The following ERCC6 variants were observed in gnomAD, a reference collection of about 807,000 sequenced individuals.
ERCC6 encodes DNA excision repair protein ERCC-6.
In ERCC6, 116 loss-of-function variants were observed where a neutral mutation model predicts 158.7. The ratio of observed to expected loss-of-function variants is 0.73; its 90% CI spans 0.63 to 0.85. ERCC6 has a LOEUF of 0.85. ERCC6 is among the 40% of genes least tolerant of loss of function. The pLI, the probability that ERCC6 is intolerant of heterozygous loss-of-function variation, is 0.00. For missense variants in ERCC6, 1,698 were observed against 1,799.4 expected (o/e 0.94, Z 1.02); for synonymous variants, 678 against 659.3 (o/e 1.03, Z -0.43).
At chr10:49,530,548 AAAGG>A in intron 3 of ERCC6, among the ~76,000 whole-genome samples, 168 bp downstream of exon 3, 1 of 152,334 alleles carries the variant, frequency 6.6e-6, no homozygotes, top group Middle Eastern at 3.4e-3. Context: ...ATGGGATGTT[AAAGG>A]AAAACAGCAG....
rs192386303 is a variant in ERCC6 at position 49,473,890 on chromosome 10, A to G, written c.2598+137T>C. 28 of 853,382 alleles carry G rather than the reference A, an allele frequency of 3.3e-5. No homozygotes were observed. The Admixed American group carries it at 5.8e-4, about 18-fold the overall frequency. 52.9% of individuals were successfully genotyped at this position (853,382 alleles called of 1,614,324 possible). ...TCTAGAGAAAGATCTAAACTCCCAA[A>G]GAAATCGGTAGACTGCCACCTCAGC... On this transcript the variant is annotated intron_variant, in intron 13 of 20. Transcript: ENST00000355832.
intron 5 of ERCC6, chr10:49,516,177 T>C (rs1836955418): frequency 6.2e-7 from 1 of 1,614,226 alleles, no homozygotes; most frequent in Admixed American, 1.7e-5. Context: ...TTTACCCTGA[T>C]ACGGCTGAAA....
chr10:49,524,328 C>G lies in ERCC6; in HGVS notation c.1102G>C (p.Glu368Gln), dbSNP rs1177995093. The G allele has an allele frequency of 1.9e-6, 3 of 1,614,052 alleles. No homozygotes were observed. Among genetic ancestry groups the G allele is most frequent in the Admixed American group, 3.3e-5 (2 of 59,988 alleles). Residue 368 changes from glutamate to glutamine, a missense_variant, in exon 5 of 21, where the codon GAG (glutamate) becomes CAG (glutamine). Physicochemically the swap from Glu to Gln is conservative, Grantham distance 29. Coordinates refer to ENST00000355832, the MANE Select transcript of ERCC6 (RefSeq NM_000124.4). ...GGGAAATACTCAGACTCTTCACCCT[C>G]AGAGTCTCCCTCTGCCTCTGGCCTC... The part of the protein sequence containing the change: ...DMRPEAEGDS[E>Q]GEESEYFPTE...
downstream of ERCC6, among the ~76,000 whole-genome samples, chr10:49,451,571 T>C (rs1423559013): frequency 6.6e-6 from 1 of 152,218 alleles, no homozygotes; most frequent in African/African-American, 2.4e-5. Context: ...ATGTATTACA[T>C]TGATTTTCAC....
At chr10:49,494,161 G>A (rs1851225442) in intron 7 of ERCC6, among the ~76,000 whole-genome samples, 1 of 152,162 alleles carries the variant, frequency 6.6e-6, no homozygotes, top group African/African-American at 2.4e-5. Flanking sequence ...GCACTGCCTG[G>A]ATCTGAATCC....
At chr10:49,438,834 T>C in the ERCC6 span, among the ~76,000 whole-genome samples, 1 of 152,024 alleles carries the variant, frequency 6.6e-6, no homozygotes, top group Non-Finnish European at 1.5e-5. Flanking sequence ...AACAAAAGGG[T>C]TTCAGGACCC....
intron 2 of ERCC6, among the ~76,000 whole-genome samples, chr10:49,531,071 T>A (rs1056786512): frequency 2.6e-5 from 4 of 152,344 alleles, no homozygotes; most frequent in African/African-American, 9.6e-5. Context: ...GATCAGCTCA[T>A]TCCCATTTGT....
At chr10:49,446,575 G>A in the ERCC6 span, among the ~76,000 whole-genome samples, 15,163 of 152,096 alleles carry the variant, frequency 0.1, 1,118 homozygotes, top group East Asian at 0.39. Flanking sequence ...AAGAGTTCAA[G>A]ACTGGCCTGG....
intron 5 of ERCC6, chr10:49,515,936 T>G: frequency 6.2e-7 from 1 of 1,614,218 alleles, no homozygotes; most frequent in East Asian, 2.2e-5. Flanking sequence ...CTCTTTCTTT[T>G]TTCTTTAAAG....
Position 49,470,974 on chromosome 10 carries a change from C to G in ERCC6, c.3070+1G>C, listed in dbSNP as rs748423645. On this transcript the variant is annotated splice_donor_variant, in intron 17 of 20. Coordinates refer to ENST00000355832, the MANE Select transcript of ERCC6 (RefSeq NM_000124.4). LOFTEE classifies it high-confidence loss of function. ...TTAAATTAAATGATTTTATGTAATACCTGCAAAAATTGCACTTGTTTCAGT... is the reference window on the plus strand; with the variant it reads ...TTAAATTAAATGATTTTATGTAATAGCTGCAAAAATTGCACTTGTTTCAGT... 2 of 1,613,744 alleles carry G rather than the reference C, an allele frequency of 1.2e-6. No homozygotes were observed. The highest frequency in any genetic ancestry group is 1.7e-6 in the Non-Finnish European group (2 of 1,179,992).
At chr10:49,473,969 G>C in intron 13 of ERCC6, 58 bp downstream of exon 13, 2 of 1,449,194 alleles carry the variant, frequency 1.4e-6, no homozygotes, top group Non-Finnish European at 1.9e-6. Flanking sequence ...CCCATTTTGT[G>C]AGTTGATGGC....
the ERCC6 span, among the ~76,000 whole-genome samples, chr10:49,434,957 G>A: frequency 1.3e-5 from 2 of 152,182 alleles, no homozygotes; most frequent in Admixed American, 1.3e-4. Flanking sequence ...AAAATTATCT[G>A]TATACTGATG....
intron 5 of ERCC6, chr10:49,515,543 C>T: frequency 6.2e-7 from 1 of 1,614,100 alleles, no homozygotes; most frequent in Non-Finnish European, 8.5e-7. Flanking sequence ...CATGGGTCTC[C>T]AGATAATGGC....
intron 5 of ERCC6, among the ~76,000 whole-genome samples, chr10:49,510,004 C>T (rs1223722907): frequency 2.0e-5 from 3 of 152,152 alleles, no homozygotes; most frequent in Non-Finnish European, 4.4e-5. Context: ...ACAAGAGAAG[C>T]TGGGAACAAA....
intron 6 of ERCC6, chr10:49,505,630 T>G (rs923021809): frequency 5.0e-5 from 20 of 400,146 alleles, no homozygotes; most frequent in East Asian, 2.4e-4. Context: ...TGTGTTGCTT[T>G]TAGTCTGCTG....
Position 49,473,485 on chromosome 10 carries a change from A to G in ERCC6, c.2701T>C (p.Tyr901His), listed in dbSNP as rs548455303. Residue 901 changes from tyrosine (Y) to histidine (H), a missense_variant, in exon 14 of 21, where the codon TAC becomes CAC. Tyr to His is a moderately conservative substitution (Grantham distance 83). Coordinates refer to ENST00000355832, the MANE Select transcript of ERCC6 (RefSeq NM_000124.4). Reference protein sequence around the residue: ...IASRQPLITRYNEDTSIFVFL... With the variant: ...IASRQPLITRHNEDTSIFVFL... ...TTACATTCACATGTTACCTCATTGTATCTCGTAATCAGTGGCTGTCTTGAA... is the reference window on the plus strand; with the variant it reads ...TTACATTCACATGTTACCTCATTGTGTCTCGTAATCAGTGGCTGTCTTGAA... 6.3e-7 allele frequency: 1 copy of G among 1,596,196 alleles called. No individual in the cohort carries two copies. The highest frequency in any genetic ancestry group is 1.1e-5 in the South Asian group (1 of 90,748).
Position 49,524,523 on chromosome 10 carries a change from T to G in ERCC6, c.907A>C (p.Thr303Pro). 6.2e-7 allele frequency: 1 copy of G among 1,614,184 alleles called. No homozygotes were observed. Among genetic ancestry groups the G allele is most frequent in the Non-Finnish European group, 8.5e-7 (1 of 1,180,010 alleles). ...TTATTTTGCACTGGGGCTGGAGGCG[T>G]GACTGGGGCTGGAGCTTTTCTAGCT... is the stretch of plus-strand genomic sequence containing the variant. ...RAARKAPAPV[T>P]PPAPVQNKNK... The change falls in exon 5 of 21, where the codon ACG (threonine) becomes CCG (proline). Residue 303 changes from threonine to proline, a missense_variant. Transcript: ENST00000355832.
chr10:49,447,112 A>C, the ERCC6 span, among the ~76,000 whole-genome samples: 1 of 152,216 alleles, frequency 6.6e-6, no homozygotes, highest in African/African-American at 2.4e-5. Context: ...ACTTTGAAAA[A>C]TTTATGTGGA....
At position 49,488,686 on chromosome 10, in the gene ERCC6, T is replaced by A. The variant is rs1478337147; in HGVS notation, c.1821+4431A>T. On this transcript the variant is annotated intron_variant, in intron 8 of 20. Transcript: ENST00000355832. ...AGTTTTTTACTCCCTTCTAGCTTTT[T>A]TTAAAGCCACGTCTTTTTGCTCTAG... Among the ~76,000 whole-genome samples the A allele has an allele frequency of 2.0e-5, 3 of 152,128 alleles. No individual in the cohort carries two copies. The East Asian group carries it at 5.8e-4, about 29-fold the overall frequency.
Sources: allele counts gnomAD v4.1 joint callset (sites outside exome capture counted in the v4.1 genomes callset), GRCh38; gene constraint gnomAD v4.1.1; transcripts MANE v1.5; gene names NCBI Gene and HGNC (gene_info 2026-07-23, HGNC 2026-07-21).